BBX: variants seen among roughly 807,000 people sequenced by gnomAD.
BBX encodes the protein BBX high mobility group box domain containing.
Under a neutral mutation model 100.2 loss-of-function variants are expected in BBX, and 30 were observed. The observed-to-expected ratio is 0.30, with a 90% CI of 0.22 to 0.41. The LOEUF (loss-of-function observed/expected upper bound fraction) is 0.41, where lower values mean the gene tolerates loss of function less well. Among genes scored for constraint, BBX ranks in the 10% least tolerant of loss-of-function variants. The probability of loss-of-function intolerance (pLI) is 1.00; values close to 1 mark genes in which losing one functional copy is unlikely to be tolerated. For synonymous variants in BBX, 376 were observed against 388.1 expected (o/e 0.97, Z 0.37); for missense variants, 1,023 against 1,129.8 (o/e 0.91, Z 1.35).
At chr3:107,714,470 A>G (rs988634658) in intron 4 of BBX, among the ~76,000 whole-genome samples, 4 of 152,182 alleles carry the variant, frequency 2.6e-5, no homozygotes, top group African/African-American at 9.7e-5. Context: ...TGAATTTTAT[A>G]ATTTAATAAC....
At chr3:107,784,749 CAAAAA>C (rs943363576) in intron 13 of BBX, among the ~76,000 whole-genome samples, 10 of 150,772 alleles carry the variant, frequency 6.6e-5, no homozygotes, top group African/African-American at 2.4e-4. Flanking sequence ...GTAAGACACT[CAAAAA>C]AGAAGAGTAA....
chr3:107,753,098 AAAG>A (rs747966968), intron 9 of BBX, among the ~76,000 whole-genome samples: 6 of 152,228 alleles, frequency 3.9e-5, no homozygotes, highest in Admixed American at 1.3e-4. Flanking sequence ...AAGAGCCAGC[AAAG>A]AAGAACCACA....
At position 107,716,698 on chromosome 3, in the gene BBX, A is replaced by G. The variant is rs1317458668; in HGVS notation, c.254A>G (p.Asn85Ser). ...GAGCAGCGAGCCCGGAGACCAATGA[A>G]TGCATTTCTTTTATTTTGCAAACGC... ...SPEQRARRPM[N>S]AFLLFCKRHR... Residue 85 changes from asparagine (N) to serine (S), a missense_variant, in exon 5 of 18, where the codon AAT becomes AGT. By Grantham distance (46) the Asn-to-Ser change is conservative. Around this residue, in one of 9 missense-constraint regions of BBX, gnomAD observed 229 missense variants for 226.3 expected, o/e 1.01. Coordinates refer to ENST00000325805, the MANE Select transcript of BBX (RefSeq NM_001142568.3). 1.2e-6 allele frequency: 2 copies of G among 1,613,838 alleles called. No individual in the cohort carries two copies. Among genetic ancestry groups the G allele is most frequent in the Non-Finnish European group, 1.7e-6 (2 of 1,179,810 alleles).
At chr3:107,769,868 G>A (rs1297707436) in intron 10 of BBX, among the ~76,000 whole-genome samples, 3 of 152,130 alleles carry the variant, frequency 2.0e-5, no homozygotes, top group Admixed American at 1.3e-4. Flanking sequence ...CTAGAGTGAC[G>A]CCCAACTCTG....
At chr3:107,629,846 T>C (rs750620178) in intron 2 of BBX, among the ~76,000 whole-genome samples, 13 of 152,170 alleles carry the variant, frequency 8.5e-5, no homozygotes, top group Non-Finnish European at 1.3e-4. Flanking sequence ...AGTTTCACAT[T>C]GCGTATTTTG....
rs890078285 is a variant in BBX at position 107,546,237 on chromosome 3, A to G, written c.-84+19839A>G. Among the ~76,000 whole-genome samples the G allele has an allele frequency of 3.3e-5, 5 of 151,994 alleles. No homozygotes were observed. In the South Asian group the frequency reaches 1.0e-3, roughly 32 times the overall value. On this transcript the variant is annotated intron_variant, in intron 2 of 17. Transcript: ENST00000325805. ...TGACCATCCATATTTTCATTCCTTA[A>G]CTCCTAAGACTGTGCCAAGATGTTA...
chr3:107,737,209 T>G (rs1287119538), intron 7 of BBX, among the ~76,000 whole-genome samples: 1 of 152,122 alleles, frequency 6.6e-6, no homozygotes, highest in Non-Finnish European at 1.5e-5. Context: ...CATTAGTTAT[T>G]CTAGGCATTT....
At chr3:107,620,727 A>G (rs184359127) in intron 2 of BBX, among the ~76,000 whole-genome samples, 32 of 152,224 alleles carry the variant, frequency 2.1e-4, no homozygotes, top group East Asian at 7.7e-4. Flanking sequence ...GGAATGACTC[A>G]TTACTGTTTT....
intron 2 of BBX, among the ~76,000 whole-genome samples, chr3:107,599,862 G>A (rs2053939500): frequency 6.6e-6 from 1 of 152,150 alleles, no homozygotes; most frequent in African/African-American, 2.4e-5. Context: ...GCGGTTGTCT[G>A]TAAACAAGAT....
intron 2 of BBX, among the ~76,000 whole-genome samples, chr3:107,548,263 C>A (rs912508872): frequency 1.1e-4 from 17 of 152,122 alleles, no homozygotes; most frequent in African/African-American, 4.1e-4. Flanking sequence ...TAAAAAGATA[C>A]TACCTATATA....
At position 107,773,769 on chromosome 3, in the gene BBX, G is replaced by T; in HGVS notation, c.1915+133G>T. The T allele has an allele frequency of 5.0e-6, 4 of 806,800 alleles. No individual in the cohort carries two copies. The highest frequency in any genetic ancestry group is 2.3e-5 in the South Asian group (1 of 44,384). The allele number at this position is 806,800 out of a possible 1,614,324, so 50.0% of individuals were successfully genotyped here. ...ACCTTACATTTGTATATTTCTTTAT[G>T]GTTTATAGATCATAATTATTTGTTA... On this transcript the variant is annotated intron_variant, in intron 11 of 17. Transcript: ENST00000325805. The surrounding 1 kb of genome is among the most constrained non-coding windows in gnomAD (Gnocchi z 4.1).
At chr3:107,763,256 G>A (rs897396777) in intron 10 of BBX, among the ~76,000 whole-genome samples, 5 of 143,768 alleles carry the variant, frequency 3.5e-5, no homozygotes, top group African/African-American at 7.8e-5. Flanking sequence ...ACAGAGTCTC[G>A]CTCTGTTGCC....
At chr3:107,590,623 C>G (rs1276549798) in intron 2 of BBX, among the ~76,000 whole-genome samples, 3 of 152,152 alleles carry the variant, frequency 2.0e-5, no homozygotes, top group Non-Finnish European at 4.4e-5. Context: ...ATCTTACATT[C>G]GTTTTCTGAG....
Position 107,571,653 on chromosome 3 carries a change from G to A in BBX, c.-84+45255G>A, listed in dbSNP as rs562514615. Among the ~76,000 whole-genome samples the A allele has an allele frequency of 6.6e-5, 10 of 152,356 alleles. No individual in the cohort carries two copies. In the East Asian group the frequency reaches 1.7e-3, roughly 26 times the overall value. On this transcript the variant is annotated intron_variant, in intron 2 of 17. Transcript: ENST00000325805. ...GTGGATCTCCCCACAGAGTGAGGGC[G>A]AGGACAGGGGACTGGTCTCCCGAAG... is the stretch of plus-strand genomic sequence containing the variant.
chr3:107,692,746 A>G (rs879402491), intron 3 of BBX, among the ~76,000 whole-genome samples: 7 of 149,810 alleles, frequency 4.7e-5, no homozygotes, highest in Non-Finnish European at 7.4e-5. Flanking sequence ...TGGTATTTCT[A>G]GTTCTAGATC....
At chr3:107,638,792 CA>C (rs2057017028) in intron 2 of BBX, among the ~76,000 whole-genome samples, 1 of 66,942 alleles carries the variant, frequency 1.5e-5, no homozygotes, top group Non-Finnish European at 2.9e-5. Flanking sequence ...CACACACACA[CA>C]CACACACACA....
chr3:107,601,190 G>T (rs1477187513), intron 2 of BBX, among the ~76,000 whole-genome samples: 1 of 152,176 alleles, frequency 6.6e-6, no homozygotes, highest in Non-Finnish European at 1.5e-5. Flanking sequence ...TCCACCCACT[G>T]GCCGTTCCCA....
At chr3:107,782,387 C>G (rs1430174184) in intron 13 of BBX, among the ~76,000 whole-genome samples, 1 of 152,062 alleles carries the variant, frequency 6.6e-6, no homozygotes, top group Non-Finnish European at 1.5e-5. Flanking sequence ...GAAGAAAACC[C>G]TTGCTCTTTA....
At chr3:107,591,904 A>G (rs534406796) in intron 2 of BBX, among the ~76,000 whole-genome samples, 34 of 152,342 alleles carry the variant, frequency 2.2e-4, no homozygotes, top group African/African-American at 7.5e-4. Context: ...CATGGAAGTA[A>G]AGGGAAGATA....
Sources: allele counts gnomAD v4.1 joint callset (sites outside exome capture counted in the v4.1 genomes callset), GRCh38; gene constraint gnomAD v4.1.1; regional missense constraint gnomAD v4.1.1; non-coding constraint Gnocchi (gnomAD v3.1); transcripts MANE v1.5; gene names NCBI Gene and HGNC (gene_info 2026-07-23, HGNC 2026-07-21).